Variants in ARSG observed in about 807,000 individuals in gnomAD.
The protein encoded by ARSG is ASG.
ARSG carries 37 observed loss-of-function variants against 50.5 expected under a neutral mutation model. The observed-to-expected ratio is 0.73, with a 90% CI of 0.56 to 0.96. ARSG has a LOEUF of 0.96. Among genes scored for constraint, ARSG ranks in the 50% least tolerant of loss-of-function variants. The pLI, the probability that ARSG is intolerant of heterozygous loss-of-function variation, is 0.00. For missense variants in ARSG, 629 were observed against 675.3 expected, an observed-to-expected ratio of 0.93 and a Z score of 0.76; for synonymous variants, 225 against 254.6, an observed-to-expected ratio of 0.88 and a Z score of 1.11.
chr17:68,329,980 C>T lies in ARSG; in HGVS notation c.219-13624C>T, dbSNP rs111647089. 6.9e-4 allele frequency among the ~76,000 whole-genome samples: 105 copies of T among 152,242 alleles called. No individual in the cohort carries two copies. In the South Asian group the frequency reaches 8.1e-3, roughly 12 times the overall value. On this transcript the variant is annotated intron_variant, in intron 2 of 11. Coordinates refer to ENST00000621439, the MANE Select transcript of ARSG (RefSeq NM_001267727.2). Reference sequence around the variant, plus strand: ...ATCCCAGCACTTTGGGAAGCCAAGACGGGTGGATCACCTGAGGTTGGGGGT... The same window carrying T: ...ATCCCAGCACTTTGGGAAGCCAAGATGGGTGGATCACCTGAGGTTGGGGGT...
intron 8 of ARSG, 139 bp from the exon 9 acceptor site, chr17:68,384,925 G>T: frequency 1.6e-6 from 1 of 640,998 alleles, no homozygotes. Context: ...GAGGGAAATA[G>T]CTGGTTACCA....
At chr17:68,350,317 C>G (rs760686656) in intron 4 of ARSG, among the ~76,000 whole-genome samples, 16 of 152,260 alleles carry the variant, frequency 1.1e-4, no homozygotes, top group Admixed American at 4.6e-4. Flanking sequence ...CTCCCTACTC[C>G]TGGGCCTGGA....
chr17:68,366,602 T>C (rs28418469), intron 6 of ARSG, among the ~76,000 whole-genome samples: 11,249 of 152,158 alleles, frequency 0.074, 500 homozygotes, highest in African/African-American at 0.11. Flanking sequence ...ATGTTTTCTA[T>C]CTGCACTGTC....
At chr17:68,301,729 ACT>A (rs10532096) in intron 1 of ARSG, among the ~76,000 whole-genome samples, 45,810 of 151,636 alleles carry the variant, frequency 0.3, 7,608 homozygotes, top group East Asian at 0.38. Context: ...TTCCTCTCTG[ACT>A]CTAATCCCTG....
At chr17:68,361,865 G>A (rs559316874) in intron 6 of ARSG, among the ~76,000 whole-genome samples, 2 of 152,216 alleles carry the variant, frequency 1.3e-5, no homozygotes, top group African/African-American at 2.4e-5. Flanking sequence ...GCAGTGAGCC[G>A]AGATCATGCC....
chr17:68,388,923 A>C (rs2080857577), intron 9 of ARSG, among the ~76,000 whole-genome samples: 1 of 15,192 alleles, frequency 6.6e-5, no homozygotes, highest in East Asian at 9.0e-4. Context: ...ACTCTGTCTC[A>C]AAAAAAAAAA....
chr17:68,434,528 TA>T, the ARSG span: 1 of 1,612,858 alleles, frequency 6.2e-7, no homozygotes, highest in Non-Finnish European at 8.5e-7. Context: ...GCGGGGACTT[TA>T]AAATGGGTTT....
At chr17:68,272,768 C>A in intron 1 of ARSG, 8 of 1,613,738 alleles carry the variant, frequency 5.0e-6, no homozygotes, top group Non-Finnish European at 6.8e-6. Context: ...TATCCCAGAC[C>A]TGTGAAAGAA....
At chr17:68,289,914 C>T (rs146657115), upstream of ARSG, among the ~76,000 whole-genome samples, 302 of 152,222 alleles carry the variant, frequency 2.0e-3, 5 homozygotes, top group Middle Eastern at 0.017. Context: ...GACACTCTTC[C>T]CTTAATTATG....
intron 8 of ARSG, among the ~76,000 whole-genome samples, chr17:68,372,648 C>A (rs1025432554): frequency 1.3e-5 from 2 of 152,110 alleles, no homozygotes; most frequent in Admixed American, 1.3e-4. Flanking sequence ...GCCCCTCCTC[C>A]AACACTGGGG....
intron 2 of ARSG, among the ~76,000 whole-genome samples, chr17:68,329,070 A>C (rs1243791780): frequency 6.6e-6 from 1 of 152,236 alleles, no homozygotes; most frequent in East Asian, 1.9e-4. Context: ...GACAAACTCG[A>C]ACAGTGCTGC....
At chr17:68,267,609 A>G (rs1270922792) in intron 1 of ARSG, 2 of 152,230 alleles carry the variant, frequency 1.3e-5, no homozygotes, top group African/African-American at 2.4e-5. Flanking sequence ...ATAAAGATGG[A>G]GCAGCAAGCA....
chr17:68,267,897 T>A (rs1163902373), intron 1 of ARSG: 1 of 152,228 alleles, frequency 6.6e-6, no homozygotes, highest in African/African-American at 2.4e-5. Flanking sequence ...GTTACCCCCA[T>A]GTGAAATACA....
At chr17:68,314,949 C>T (rs1454604841) in intron 2 of ARSG, among the ~76,000 whole-genome samples, 1 of 152,188 alleles carries the variant, frequency 6.6e-6, no homozygotes, top group African/African-American at 2.4e-5. Flanking sequence ...GCATTGGGGC[C>T]AACACCTTTA....
intron 1 of ARSG, among the ~76,000 whole-genome samples, chr17:68,286,463 C>T (rs2075844535): frequency 6.6e-6 from 1 of 152,192 alleles, no homozygotes; most frequent in Non-Finnish European, 1.5e-5. Flanking sequence ...AATCTCCTGC[C>T]TTCCAGGGCT....
At chr17:68,309,954 T>G (rs115622729) in intron 2 of ARSG, among the ~76,000 whole-genome samples, 2,489 of 150,556 alleles carry the variant, frequency 0.017, 71 homozygotes, top group African/African-American at 0.058. Context: ...ATCCAGAGTT[T>G]TTTGTTTGTT....
Position 68,395,095 on chromosome 17 carries a change from G to A in ARSG, c.1114G>A (p.Val372Met). 1 of 1,614,066 alleles carries A rather than the reference G, an allele frequency of 6.2e-7. No individual in the cohort carries two copies. The highest frequency in any genetic ancestry group is 8.5e-7 in the Non-Finnish European group (1 of 1,179,938). Residue 372 changes from valine to methionine, a missense_variant, in exon 10 of 12, where the codon GTG becomes ATG. By Grantham distance (21) the Val-to-Met change is conservative. Coordinates refer to ENST00000621439, the MANE Select transcript of ARSG (RefSeq NM_001267727.2). ...CAGCGTGCTGGACATTTTTCCAACT[G>A]TGGTAGCCCTGGCCCAGGCCAGCTT... ...LLSVLDIFPT[V>M]VALAQASLPQ...
chr17:68,416,041 C>T (rs747580044), intron 11 of ARSG, among the ~76,000 whole-genome samples: 17 of 151,870 alleles, frequency 1.1e-4, no homozygotes, highest in Admixed American at 2.6e-4. Context: ...TGTGAAGTAC[C>T]ATTCCATTCC....
intron 2 of ARSG, among the ~76,000 whole-genome samples, chr17:68,311,486 T>C (rs2076851673): frequency 6.6e-6 from 1 of 152,154 alleles, no homozygotes; most frequent in Admixed American, 6.5e-5. Context: ...TGTGACCATA[T>C]TTGGAAACAG....
Sources: gnomAD v4.1 joint callset for allele counts (sites outside exome capture counted in the v4.1 genomes callset) on GRCh38, gnomAD v4.1.1 for gene constraint, MANE v1.5 for transcripts, NCBI Gene and HGNC (gene_info 2026-07-23, HGNC 2026-07-21) for gene names.